The following ZFP64 variants were observed in gnomAD, a reference collection of about 807,000 sequenced individuals.
ZFP64 encodes ZFP64 zinc finger protein, also known as zinc finger protein 64.
A neutral mutation model predicts 51.6 loss-of-function variants in ZFP64; 14 were observed. The observed-to-expected ratio is 0.27, with a 90% CI of 0.18 to 0.42. The LOEUF is 0.42. Among genes scored for constraint, ZFP64 ranks in the 10% least tolerant of loss-of-function variants. The probability of loss-of-function intolerance (pLI) is 1.00; values close to 1 mark genes in which losing one functional copy is unlikely to be tolerated. For synonymous variants in ZFP64, 375 were observed against 361.4 expected (o/e 1.04, Z -0.43); for missense variants, 754 against 906.8 (o/e 0.83, Z 2.16).
intron 2 of ZFP64, among the ~76,000 whole-genome samples, chr20:52,171,959 G>A (rs1982776197): frequency 6.6e-6 from 1 of 152,094 alleles, no homozygotes; most frequent in South Asian, 2.1e-4. Context: ...TGTTGGCCAG[G>A]CTGGTCTCAC....
At chr20:52,104,651 A>T in intron 5 of ZFP64, 1 of 470,758 alleles carries the variant, frequency 2.1e-6, no homozygotes. Flanking sequence ...TCCCCCGGGT[A>T]CCTGCACAGC....
chr20:52,160,474 C>A lies in ZFP64; in HGVS notation c.512-100G>T. The A allele has an allele frequency of 1.4e-6, 2 of 1,468,002 alleles. No individual in the cohort carries two copies. Among genetic ancestry groups the A allele is most frequent in the South Asian group, 2.8e-5 (2 of 72,200 alleles). 90.9% of individuals were successfully genotyped at this position (1,468,002 alleles called of 1,614,324 possible). A position where few individuals can be genotyped will look rare whatever the true frequency, so the allele number is the denominator to read the frequency against. ...TACGAAAAAAGTCATATACAACCACCGAAGAATATTCCAAAAACCCTAAAA... is the reference window on the plus strand; with the variant it reads ...TACGAAAAAAGTCATATACAACCACAGAAGAATATTCCAAAAACCCTAAAA... On this transcript the variant is annotated intron_variant, in intron 4 of 5. Coordinates refer to ENST00000216923, the MANE Select transcript of ZFP64 (RefSeq NM_018197.3). This position sits in a 1 kb window ranked among gnomAD's most constrained non-coding sequence, Gnocchi z 4.2.
intron 2 of ZFP64, among the ~76,000 whole-genome samples, chr20:52,174,615 A>G (rs1983034867): frequency 6.6e-6 from 1 of 152,214 alleles, no homozygotes; most frequent in African/African-American, 2.4e-5. Flanking sequence ...CATTCATCGA[A>G]AACACAACCT....
intron 6 of ZFP64, chr20:52,097,453 A>ATT (rs11309611): frequency 8.6e-4 from 1,238 of 1,438,592 alleles, no homozygotes; most frequent in African/African-American, 1.3e-3. Context: ...AGAAAAATAG[A>ATT]TTTTTTTTTT....
intron 5 of ZFP64, among the ~76,000 whole-genome samples, chr20:52,145,596 G>A (rs1056785396): frequency 6.6e-6 from 1 of 152,168 alleles, no homozygotes; most frequent in Non-Finnish European, 1.5e-5. Context: ...CTGTGATTGT[G>A]CCACTGCACT....
intron 2 of ZFP64, among the ~76,000 whole-genome samples, chr20:52,181,174 C>T (rs913548970): frequency 2.6e-5 from 4 of 152,130 alleles, no homozygotes; most frequent in Non-Finnish European, 5.9e-5. Context: ...GAACTCCTGA[C>T]CTTGTGATCC....
intron 5 of ZFP64, among the ~76,000 whole-genome samples, chr20:52,104,045 G>A (rs977523169): frequency 6.6e-6 from 1 of 152,212 alleles, no homozygotes; most frequent in African/African-American, 2.4e-5. Context: ...CCCGGAAAGA[G>A]CGGGGGAGAA....
chr20:52,191,599 G>C lies in ZFP64; in HGVS notation c.38C>G (p.Ser13Trp), dbSNP rs763477278. 2 of 1,589,076 alleles carry C rather than the reference G, an allele frequency of 1.3e-6. No homozygotes were observed. The highest frequency in any genetic ancestry group is 1.4e-5 in the African/African-American group (1 of 73,046). The change falls in exon 1 of 6, where the codon TCG becomes TGG. Residue 13 changes from serine (S) to tryptophan (W), a missense_variant. Physicochemically the swap from Ser to Trp is radical, Grantham distance 177. This residue lies in a region of ZFP64 where 95 missense variants were observed against 97.7 expected (regional missense o/e 0.97). Transcript: ENST00000216923. This position sits in a 1 kb window ranked among gnomAD's most constrained non-coding sequence, Gnocchi z 4.3. ...CCCGGAAAAGCACTTACTTTGCACC[G>C]AGCCCGCGAAGCTCTCGCCCTCGCT... ...ASSEGESFAG[S>W]VQIPGGTTVL... is the part of the protein sequence containing the mutation.
chr20:52,167,930 CTAAGA>C (rs958086496), intron 2 of ZFP64, among the ~76,000 whole-genome samples: 7 of 152,240 alleles, frequency 4.6e-5, no homozygotes, highest in Admixed American at 4.6e-4. Flanking sequence ...TTCTTTGAAT[CTAAGA>C]TGTTTTAGAT....
intron 7 of ZFP64, chr20:52,097,247 C>T: frequency 1.7e-6 from 2 of 1,149,632 alleles, no homozygotes; most frequent in Non-Finnish European, 2.6e-6. Context: ...AAGCCCACCC[C>T]ACTAGACTGA....
At chr20:52,179,096 G>T (rs1046830938) in intron 2 of ZFP64, among the ~76,000 whole-genome samples, 2 of 152,172 alleles carry the variant, frequency 1.3e-5, no homozygotes, top group African/African-American at 2.4e-5. Context: ...AATTATGGGG[G>T]TGGGTCTTTC....
chr20:52,111,662 A>G (rs1007210610), intron 5 of ZFP64, among the ~76,000 whole-genome samples: 1 of 152,208 alleles, frequency 6.6e-6, no homozygotes, highest in African/African-American at 2.4e-5. Context: ...AGAGATAAAC[A>G]GCATACTTCT....
chr20:52,165,855 T>C lies in ZFP64; in HGVS notation c.448+9A>G. 1 of 1,614,010 alleles carries C rather than the reference T, an allele frequency of 6.2e-7. No individual in the cohort carries two copies. The highest frequency in any genetic ancestry group is 8.5e-7 in the Non-Finnish European group (1 of 1,179,900). The stretch of plus-strand genomic sequence containing the variant: ...CCTCTACACAAGTAGGACATAATGC[T>C]GCCTTTACCTGGATAGCAACAGTTA... On this transcript the variant is annotated intron_variant, in intron 3 of 5. Transcript: ENST00000216923.
At chr20:52,172,217 G>GTGTT (rs1470410038) in intron 2 of ZFP64, among the ~76,000 whole-genome samples, 4 of 151,238 alleles carry the variant, frequency 2.6e-5, no homozygotes, top group African/African-American at 9.8e-5. Flanking sequence ...GTGTGTGTGT[G>GTGTT]TGTTTGTGTG....
At chr20:52,100,448 G>T (rs1009960131) in intron 5 of ZFP64, among the ~76,000 whole-genome samples, 5 of 152,074 alleles carry the variant, frequency 3.3e-5, no homozygotes, top group African/African-American at 1.2e-4. Flanking sequence ...GTTTCACCAT[G>T]TTGGCCAAGT....
In ZFP64 at chr20:52,085,533, G is replaced by A. The variant is rs2078855275; in HGVS notation, c.1229-267C>T. Among the ~76,000 whole-genome samples, 1 of 152,150 alleles carries A rather than the reference G, an allele frequency of 6.6e-6. No individual in the cohort carries two copies. The highest frequency in any genetic ancestry group is 2.4e-5 in the African/African-American group (1 of 41,426). The stretch of plus-strand genomic sequence containing the variant: ...GGCTCAGGTCAAACAGCAGGGATTT[G>A]GAACCCAGGCACTATGGCACTCAAG... On this transcript the variant is annotated intron_variant, in intron 8 of 8. Transcript: ENST00000361387. The surrounding 1 kb of genome is among the most constrained non-coding windows in gnomAD (Gnocchi z 4.3).
intron 5 of ZFP64, among the ~76,000 whole-genome samples, chr20:52,159,297 T>A (rs1981578551): frequency 6.6e-6 from 1 of 152,254 alleles, no homozygotes; most frequent in African/African-American, 2.4e-5. Flanking sequence ...CTAATTTTGC[T>A]GTATGTTTTT....
At chr20:52,131,960 A>G (rs899133584) in intron 5 of ZFP64, among the ~76,000 whole-genome samples, 2 of 152,330 alleles carry the variant, frequency 1.3e-5, no homozygotes, top group African/African-American at 4.8e-5. Flanking sequence ...AGTATAGACC[A>G]TATGTTAGGT....
At chr20:52,096,266 C>T (rs2078987456) in intron 7 of ZFP64, among the ~76,000 whole-genome samples, 2 of 152,204 alleles carry the variant, frequency 1.3e-5, no homozygotes, top group African/African-American at 4.8e-5. Flanking sequence ...CCCTAGGTCA[C>T]AAGGGCCGCT....
Sources: gnomAD v4.1 joint callset for allele counts (sites outside exome capture counted in the v4.1 genomes callset) on GRCh38, gnomAD v4.1.1 for gene constraint, gnomAD v4.1.1 regional missense constraint, Gnocchi (gnomAD v3.1) non-coding constraint, MANE v1.5 for transcripts, NCBI Gene and HGNC (gene_info 2026-07-23, HGNC 2026-07-21) for gene names.